Variants in ZNF407 observed in about 807,000 individuals in gnomAD.
ZNF407 encodes the protein zinc finger protein 407.
ZNF407 carries 17 observed loss-of-function variants against 131.2 expected under a neutral mutation model. The ratio of observed to expected loss-of-function variants is 0.13; its 90% CI spans 0.09 to 0.19. ZNF407 has a LOEUF of 0.19. ZNF407 is among the 10% of genes least tolerant of loss of function. The pLI, the probability that ZNF407 is intolerant of heterozygous loss-of-function variation, is 1.00. For missense variants in ZNF407, 2,681 were observed against 2,830.6 expected (o/e 0.95, Z 1.20); for synonymous variants, 1,156 against 1,062.0 (o/e 1.09, Z -1.72).
chr18:74,883,051 G>C (rs1971259426), intron 6 of ZNF407, among the ~76,000 whole-genome samples: 1 of 152,224 alleles, frequency 6.6e-6, no homozygotes, highest in South Asian at 2.1e-4. Context: ...CCCAGTGATA[G>C]ATCGATCAGG....
chr18:74,947,813 G>A lies in ZNF407; in HGVS notation c.5428+27121G>A, dbSNP rs1972170439. 3.3e-5 allele frequency among the ~76,000 whole-genome samples: 5 copies of A among 152,364 alleles called. No individual in the cohort carries two copies. In the South Asian group the frequency reaches 1.0e-3, roughly 32 times the overall value. ...CTAAGCCTCTGTCTTTCAAAGAACAGTGGGCTTTCTCCCTGCGCCTTTTGT... is the reference window on the plus strand; with the variant it reads ...CTAAGCCTCTGTCTTTCAAAGAACAATGGGCTTTCTCCCTGCGCCTTTTGT... On this transcript the variant is annotated intron_variant, in intron 8 of 8. Transcript: ENST00000299687.
chr18:74,949,256 C>T lies in ZNF407; in HGVS notation c.5428+28564C>T, dbSNP rs146244194. Among the ~76,000 whole-genome samples, 43 of 152,284 alleles carry T rather than the reference C, an allele frequency of 2.8e-4. No homozygotes were observed. In the East Asian group the frequency reaches 7.7e-3, roughly 27 times the overall value. On this transcript the variant is annotated intron_variant, in intron 8 of 8. Transcript: ENST00000299687. Reference sequence around the variant, plus strand: ...GCATATTAGCAAATGAAAAGCCCTTCGAACTATGAGCTAGTGGGTCTGGAA... The same window carrying T: ...GCATATTAGCAAATGAAAAGCCCTTTGAACTATGAGCTAGTGGGTCTGGAA...
At chr18:74,878,988 C>T (rs978241169) in intron 5 of ZNF407, among the ~76,000 whole-genome samples, 2 of 151,160 alleles carry the variant, frequency 1.3e-5, no homozygotes, top group African/African-American at 4.9e-5. Flanking sequence ...AGACTAACAT[C>T]CTAAATAAAA....
chr18:74,890,509 T>C (rs746089674), intron 7 of ZNF407, among the ~76,000 whole-genome samples: 11 of 152,244 alleles, frequency 7.2e-5, no homozygotes, highest in Non-Finnish European at 1.6e-4. Context: ...TTTTCTATAA[T>C]CTTAACATTT....
intron 3 of ZNF407, among the ~76,000 whole-genome samples, chr18:74,727,608 C>T (rs1968189275): frequency 6.6e-6 from 1 of 152,154 alleles, no homozygotes; most frequent in Non-Finnish European, 1.5e-5. Flanking sequence ...ACTGATTAAA[C>T]TTTGCATTTT....
intron 3 of ZNF407, among the ~76,000 whole-genome samples, chr18:74,716,484 C>T (rs1247033418): frequency 6.6e-6 from 1 of 152,004 alleles, no homozygotes; most frequent in African/African-American, 2.4e-5. Context: ...TCAGTGACAC[C>T]CTGTGAACTA....
chr18:75,063,751 G>A lies in ZNF407; in HGVS notation c.6030G>A (p.Glu2010=), dbSNP rs551218196. ...GEVEGRAGLE[E]QGRPGAKDVL... is the part of the protein sequence containing the mutation. ...TGGAGGGCAGGGCTGGGCTCGAGGA[G>A]CAAGGCAGGCCCGGCGCCAAAGACG... is the stretch of plus-strand genomic sequence containing the variant. Residue 2010 remains glutamate, a synonymous_variant, in exon 9 of 9, where the codon GAG becomes GAA. Transcript: ENST00000299687. The surrounding 1 kb of genome is among the most constrained non-coding windows in gnomAD (Gnocchi z 6.6). 41 of 1,611,918 alleles carry A rather than the reference G, an allele frequency of 2.5e-5. No individual in the cohort carries two copies. Among genetic ancestry groups the A allele is most frequent in the African/African-American group, 5.3e-5 (4 of 75,042 alleles).
At chr18:74,705,653 A>G (rs181427632) in intron 3 of ZNF407, among the ~76,000 whole-genome samples, 235 of 152,314 alleles carry the variant, frequency 1.5e-3, no homozygotes, top group Middle Eastern at 0.01. Flanking sequence ...TGTTGATGAA[A>G]TTGGATTTTT....
intron 4 of ZNF407, among the ~76,000 whole-genome samples, chr18:74,841,184 T>C (rs80161795): frequency 0.015 from 2,289 of 152,332 alleles, 65 homozygotes; most frequent in African/African-American, 0.051. Flanking sequence ...CCAGCTCTTA[T>C]AAGGTGGGCC....
chr18:74,642,812 C>A (rs768035588), intron 3 of ZNF407, among the ~76,000 whole-genome samples: 1 of 152,018 alleles, frequency 6.6e-6, no homozygotes, highest in African/African-American at 2.4e-5. Context: ...TGTATGTGTG[C>A]GTTTGTAGAA....
At position 74,982,115 on chromosome 18, in the gene ZNF407, G is replaced by A. The variant is rs1194422027; in HGVS notation, c.5428+61423G>A. 2.0e-5 allele frequency among the ~76,000 whole-genome samples: 3 copies of A among 152,196 alleles called. No individual in the cohort carries two copies. In the East Asian group the frequency reaches 5.8e-4, roughly 29 times the overall value. On this transcript the variant is annotated intron_variant, in intron 8 of 8. Transcript: ENST00000299687. ...CACCTCCATTGTTAAAGGTGATCTA[G>A]GAGTAGTATTGAAAACATGTGCCTA...
chr18:75,020,907 G>A (rs990993340), intron 8 of ZNF407, among the ~76,000 whole-genome samples: 2 of 152,148 alleles, frequency 1.3e-5, no homozygotes, highest in African/African-American at 2.4e-5. Context: ...GTACAATAAT[G>A]AGACAGTGGG....
rs147258032 is a variant in ZNF407, at chr18:74,953,811, G to A, written c.5428+33119G>A. On this transcript the variant is annotated intron_variant, in intron 8 of 8. Transcript: ENST00000299687. ...CTTACTCCGATGTCATTGTGTAGAC[G>A]GGAAATTTGTTTTTGATAGGCTTCA... Among the ~76,000 whole-genome samples, 72 of 152,238 alleles carry A rather than the reference G, an allele frequency of 4.7e-4. No homozygotes were observed. In the East Asian group the frequency reaches 9.5e-3, roughly 20 times the overall value.
At chr18:75,042,911 C>T (rs538931917) in intron 8 of ZNF407, among the ~76,000 whole-genome samples, 1 of 152,152 alleles carries the variant, frequency 6.6e-6, no homozygotes, top group Non-Finnish European at 1.5e-5. Context: ...CCTGTTCCGT[C>T]GCATGCGTGT....
chr18:74,736,902 C>T (rs1342109295), intron 3 of ZNF407, among the ~76,000 whole-genome samples: 1 of 152,134 alleles, frequency 6.6e-6, no homozygotes, highest in Non-Finnish European at 1.5e-5. Context: ...ATAGTCCAGG[C>T]TCCTAAAAGT....
intron 3 of ZNF407, among the ~76,000 whole-genome samples, chr18:74,732,231 G>A (rs910087070): frequency 4.6e-5 from 7 of 152,184 alleles, no homozygotes; most frequent in African/African-American, 7.2e-5. Context: ...TCTTATTGTC[G>A]TGAAACTTAC....
chr18:75,042,152 T>C (rs1973381491), intron 8 of ZNF407, among the ~76,000 whole-genome samples: 2 of 151,964 alleles, frequency 1.3e-5, no homozygotes, highest in Admixed American at 1.3e-4. Context: ...CCTCCCACCT[T>C]GGCCTCCCAA....
chr18:75,031,185 G>A (rs1387036490), intron 8 of ZNF407, among the ~76,000 whole-genome samples: 1 of 152,172 alleles, frequency 6.6e-6, no homozygotes, highest in Non-Finnish European at 1.5e-5. Context: ...GATTAATAAG[G>A]GGAGTTCAGC....
At chr18:74,979,667 AATGGAAAAAGGACATGATTGAAAGATTT>A (rs1972566599) in intron 8 of ZNF407, among the ~76,000 whole-genome samples, 1 of 152,228 alleles carries the variant, frequency 6.6e-6, no homozygotes, top group South Asian at 2.1e-4. Flanking sequence ...GCAGTGGAAA[AATGGAAAAAGGACATGATTGAAAGATTT>A]ATGAAGAACT....
Sources: gnomAD v4.1 joint callset for allele counts (sites outside exome capture counted in the v4.1 genomes callset) on GRCh38, gnomAD v4.1.1 for gene constraint, Gnocchi (gnomAD v3.1) non-coding constraint, MANE v1.5 for transcripts, NCBI Gene and HGNC (gene_info 2026-07-23, HGNC 2026-07-21) for gene names.